Variants in FER observed in about 807,000 individuals in gnomAD.
FER encodes the protein tyrosine-protein kinase Fer.
Under a neutral mutation model 111.0 loss-of-function variants are expected in FER, and 63 were observed. That is an observed-to-expected ratio of 0.57 (90% CI 0.46 to 0.70). The LOEUF is 0.70. FER is among the 30% of genes least tolerant of loss of function. FER has a pLI of 0.00. For missense variants in FER, 914 were observed against 954.0 expected (o/e 0.96, Z 0.55); for synonymous variants, 327 against 313.9 (o/e 1.04, Z -0.44).
chr5:108,997,416 C>CAA (rs552848111), intron 13 of FER, among the ~76,000 whole-genome samples: 5,536 of 107,912 alleles, frequency 0.051, 177 homozygotes, highest in South Asian at 0.12. Context: ...GACCCTGTCT[C>CAA]AAAAAAAAAA....
intron 3 of FER, among the ~76,000 whole-genome samples, chr5:108,805,467 A>G (rs1757107005): frequency 1.3e-5 from 2 of 152,192 alleles, no homozygotes; most frequent in South Asian, 4.1e-4. Context: ...ATGACTTTGG[A>G]ACTGGGTAAC....
intron 13 of FER, among the ~76,000 whole-genome samples, chr5:109,031,097 C>G (rs2149860957): frequency 6.6e-6 from 1 of 152,018 alleles, no homozygotes; most frequent in South Asian, 2.1e-4. Flanking sequence ...CCAGTCAATC[C>G]CCTTGAAGGT....
Position 108,919,300 on chromosome 5 carries a change from A to G in FER, c.1236+21452A>G, listed in dbSNP as rs1160084222. 8.0e-5 allele frequency among the ~76,000 whole-genome samples: 12 copies of G among 149,628 alleles called. No individual in the cohort carries two copies. In the East Asian group the frequency reaches 2.2e-3, roughly 27 times the overall value. On this transcript the variant is annotated intron_variant, in intron 10 of 19. Transcript: ENST00000281092. ...TTTGTAGATTTTTTTTTATGGCTTT[A>G]TAGATGATCAGTATTTCTATAGGTT...
At chr5:108,863,476 G>C (rs1349599461) in intron 5 of FER, among the ~76,000 whole-genome samples, 1 of 152,110 alleles carries the variant, frequency 6.6e-6, no homozygotes, top group Non-Finnish European at 1.5e-5. Context: ...AGAATGCTAA[G>C]TAGTAATATT....
intron 13 of FER, among the ~76,000 whole-genome samples, chr5:109,007,129 A>G (rs1214641099): frequency 6.6e-6 from 1 of 152,182 alleles, no homozygotes; most frequent in African/African-American, 2.4e-5. Flanking sequence ...AGTTTTAATT[A>G]CATTGTCTAT....
intron 17 of FER, among the ~76,000 whole-genome samples, chr5:109,154,325 G>A (rs562198936): frequency 8.1e-4 from 123 of 152,072 alleles, no homozygotes; most frequent in African/African-American, 2.7e-3. Context: ...TGTATCACCA[G>A]TTTTGAGAAC....
intron 13 of FER, among the ~76,000 whole-genome samples, chr5:109,010,487 C>G (rs1285426056): frequency 6.6e-6 from 1 of 151,926 alleles, no homozygotes; most frequent in Non-Finnish European, 1.5e-5. Flanking sequence ...GTTTTGTGTT[C>G]CTGTTCTCTT....
intron 18 of FER, among the ~76,000 whole-genome samples, chr5:109,184,962 G>A (rs1259983554): frequency 6.6e-6 from 1 of 151,984 alleles, no homozygotes; most frequent in Non-Finnish European, 1.5e-5. Flanking sequence ...ACCACATGAG[G>A]GATAGAAAAT....
intron 8 of FER, among the ~76,000 whole-genome samples, chr5:108,875,626 C>T (rs751887768): frequency 1.3e-5 from 2 of 152,038 alleles, no homozygotes; most frequent in South Asian, 2.1e-4. Flanking sequence ...GTGTCTGTTT[C>T]GTGCTTTTTG....
At chr5:108,931,854 T>C (rs1040483955) in intron 10 of FER, among the ~76,000 whole-genome samples, 2 of 151,998 alleles carry the variant, frequency 1.3e-5, no homozygotes, top group African/African-American at 4.8e-5. Flanking sequence ...AGTGCATAAT[T>C]CTTAGGTATA....
chr5:108,846,451 A>G (rs989177558), intron 5 of FER, among the ~76,000 whole-genome samples: 3 of 151,906 alleles, frequency 2.0e-5, no homozygotes, highest in African/African-American at 7.3e-5. Flanking sequence ...AAATGAGGCT[A>G]CTTAGTTTGT....
intron 10 of FER, among the ~76,000 whole-genome samples, chr5:108,916,275 T>C (rs1752249095): frequency 6.6e-6 from 1 of 152,226 alleles, no homozygotes; most frequent in South Asian, 2.1e-4. Flanking sequence ...TTATTATACT[T>C]GATTCAAGTT....
chr5:108,969,686 C>G (rs1760377269), intron 13 of FER, among the ~76,000 whole-genome samples: 1 of 146,690 alleles, frequency 6.8e-6, no homozygotes, highest in African/African-American at 2.8e-5. Context: ...CACCTGTCCT[C>G]AAGCAAATAT....
At chr5:108,879,701 A>AAAAATATATATATATATATATATAT in intron 8 of FER, among the ~76,000 whole-genome samples, 9 of 99,128 alleles carry the variant, frequency 9.1e-5, no homozygotes, top group Non-Finnish European at 1.2e-4. Flanking sequence ...ATTAAAAAAA[A>AAAAATATATATATATATATATATAT]ATATATATAT....
At chr5:109,175,129 T>C (rs996947692) in intron 17 of FER, among the ~76,000 whole-genome samples, 1 of 152,182 alleles carries the variant, frequency 6.6e-6, no homozygotes. Context: ...AAGAGAAAAT[T>C]GTCAAATTTA....
chr5:108,795,038 T>C (rs79701313), intron 2 of FER, among the ~76,000 whole-genome samples: 2,203 of 152,322 alleles, frequency 0.014, 12 homozygotes, highest in Non-Finnish European at 0.022. Flanking sequence ...CTTTTTTGGC[T>C]GGACATGGTG....
intron 5 of FER, among the ~76,000 whole-genome samples, chr5:108,844,650 C>T (rs188284326): frequency 3.3e-5 from 5 of 152,054 alleles, no homozygotes; most frequent in African/African-American, 7.2e-5. Context: ...CTGTCTTCCA[C>T]CTCTCTGTGA....
At chr5:108,820,791 T>C (rs1441963560) in intron 3 of FER, among the ~76,000 whole-genome samples, 3 of 152,212 alleles carry the variant, frequency 2.0e-5, no homozygotes, top group Non-Finnish European at 4.4e-5. Flanking sequence ...TTGGTTATTA[T>C]ATTAGTGTTT....
At chr5:109,183,248 GTTTTT>G (rs10682212) in intron 18 of FER, among the ~76,000 whole-genome samples, 3,502 of 115,666 alleles carry the variant, frequency 0.03, 267 homozygotes, top group East Asian at 0.25. Flanking sequence ...ATCCTAGCGT[GTTTTT>G]TTTTTTTTTT....
Sources: gnomAD v4.1 joint callset for allele counts (sites outside exome capture counted in the v4.1 genomes callset) on GRCh38, gnomAD v4.1.1 for gene constraint, MANE v1.5 for transcripts, NCBI Gene and HGNC (gene_info 2026-07-23, HGNC 2026-07-21) for gene names.